Variants in SOAT1 observed in about 807,000 individuals in gnomAD.
The protein encoded by SOAT1 is sterol O-acyltransferase 1.
A neutral mutation model predicts 69.5 loss-of-function variants in SOAT1; 55 were observed. The ratio of observed to expected loss-of-function variants is 0.79; its 90% CI spans 0.64 to 0.99. SOAT1 has a LOEUF of 0.99. Among genes scored for constraint, SOAT1 ranks in the 50% least tolerant of loss-of-function variants. The pLI is 0.00. For synonymous variants in SOAT1, 231 were observed against 224.7 expected (o/e 1.03, Z -0.25); for missense variants, 580 against 669.3 (o/e 0.87, Z 1.47).
rs1446406580 is a variant in SOAT1, at chr1:179,321,231, C to A, written c.119-2206C>A. 2.0e-5 allele frequency among the ~76,000 whole-genome samples: 3 copies of A among 152,026 alleles called. No individual in the cohort carries two copies. In the East Asian group the frequency reaches 5.8e-4, roughly 29 times the overall value. On this transcript the variant is annotated intron_variant, in intron 2 of 15. Transcript: ENST00000367619. ...ATGAACTCACATTCTTGGACATAAT[C>A]TTTGTCATCCTTTGCAATCATTTCT... is the stretch of plus-strand genomic sequence containing the variant.
chr1:179,321,091 G>A (rs968666634), intron 2 of SOAT1, among the ~76,000 whole-genome samples: 2 of 152,018 alleles, frequency 1.3e-5, no homozygotes, highest in African/African-American at 2.4e-5. Context: ...AGTTTTAGTA[G>A]AGGTGGGGTT....
chr1:179,295,316 AC>A (rs1664595362), intron 1 of SOAT1, among the ~76,000 whole-genome samples: 1 of 151,852 alleles, frequency 6.6e-6, no homozygotes, highest in South Asian at 2.1e-4. Flanking sequence ...CAACTCTTAT[AC>A]CTGCCTCAGA....
chr1:179,306,849 A>AAAC (rs1553243345), intron 2 of SOAT1, among the ~76,000 whole-genome samples: 1 of 151,084 alleles, frequency 6.6e-6, no homozygotes, highest in African/African-American at 2.4e-5. Context: ...AAAAAAAAAA[A>AAAC]AGCAGCACCA....
intron 4 of SOAT1, among the ~76,000 whole-genome samples, chr1:179,336,348 C>T (rs1176417396): frequency 6.7e-6 from 1 of 148,174 alleles, no homozygotes; most frequent in Non-Finnish European, 1.5e-5. Flanking sequence ...CTGTCGTCCG[C>T]CTGTCGTCCC....
intron 3 of SOAT1, among the ~76,000 whole-genome samples, chr1:179,324,675 A>G (rs185325958): frequency 6.6e-6 from 1 of 152,296 alleles, no homozygotes; most frequent in Non-Finnish European, 1.5e-5. Context: ...GTCTTTTCCA[A>G]TTAGTGCTTT....
At chr1:179,318,694 T>G (rs970940409) in intron 2 of SOAT1, among the ~76,000 whole-genome samples, 3 of 152,218 alleles carry the variant, frequency 2.0e-5, no homozygotes, top group Non-Finnish European at 2.9e-5. Flanking sequence ...CTGGACATTG[T>G]CATGTAAATA....
In SOAT1 at chr1:179,335,629, G is replaced by A; in HGVS notation, c.301G>A (p.Glu101Lys). ...CGCTCTCACAACCTTTTCTGTTCTT[G>A]AAGGAGAGAAAAACAACCATAGAGC... ...GCALTTFSVL[E>K]GEKNNHRAKD... Residue 101 changes from glutamate (E) to lysine (K), a missense_variant, in exon 4 of 16, where the codon GAA becomes AAA. By Grantham distance (56) the Glu-to-Lys change is moderately conservative (BLOSUM62 1). Coordinates refer to ENST00000367619, the MANE Select transcript of SOAT1 (RefSeq NM_003101.6). 6.2e-7 allele frequency: 1 copy of A among 1,613,166 alleles called. No individual in the cohort carries two copies. The highest frequency in any genetic ancestry group is 8.5e-7 in the Non-Finnish European group (1 of 1,179,594).
At chr1:179,342,267 C>A in intron 8 of SOAT1, 75 bp downstream of exon 8, 1 of 880,062 alleles carries the variant, frequency 1.1e-6, no homozygotes, top group Non-Finnish European at 1.7e-6. Context: ...CTTCCCTTCC[C>A]TTCCCTTCTT....
At position 179,355,918 on chromosome 1, in the gene SOAT1, G is replaced by A. The variant is rs1390329262; in HGVS notation, c.*2277G>A. 6.6e-6 allele frequency: 1 copy of A among 152,138 alleles called. No homozygotes were observed. Among genetic ancestry groups the A allele is most frequent in the African/African-American group, 2.4e-5 (1 of 41,422 alleles). The allele number at this position is 152,138 out of a possible 1,614,324, so 9.4% of individuals were successfully genotyped here. A position where few individuals can be genotyped will look rare whatever the true frequency, so the allele number is the denominator to read the frequency against. On this transcript the variant is annotated 3_prime_UTR_variant, in exon 16 of 16. Coordinates refer to ENST00000367619, the MANE Select transcript of SOAT1 (RefSeq NM_003101.6). Reference sequence around the variant, plus strand: ...ACAGACTGTTTAGAATGCTGAGACTGTTCTAAGAAACTTTCAAAAACAGTA... The same window carrying A: ...ACAGACTGTTTAGAATGCTGAGACTATTCTAAGAAACTTTCAAAAACAGTA...
At chr1:179,333,157 G>A (rs1014288695) in intron 3 of SOAT1, among the ~76,000 whole-genome samples, 1 of 152,110 alleles carries the variant, frequency 6.6e-6, no homozygotes, top group East Asian at 1.9e-4. Flanking sequence ...TTCCTCATAG[G>A]TTAGCTCAGA....
chr1:179,342,756 A>G (rs1666384694), intron 8 of SOAT1, 106 bp from the exon 9 acceptor site: 1 of 735,702 alleles, frequency 1.4e-6, no homozygotes, highest in African/African-American at 1.7e-5. Context: ...ATGAGCTGAT[A>G]AGTCATTTTA....
Position 179,342,923 on chromosome 1 carries a change from C to T in SOAT1, c.921C>T (p.Ile307=), listed in dbSNP as rs775042374. ...YLYFLFAPTL[I]YRDSYPRNPT... ...ACTTCTTATTTGCTCCTACCCTTATCTACCGTGACAGCTATCCCAGGTAAT... is the reference window on the plus strand; with the variant it reads ...ACTTCTTATTTGCTCCTACCCTTATTTACCGTGACAGCTATCCCAGGTAAT... The change falls in exon 9 of 16, where the codon ATC becomes ATT. Residue 307 remains isoleucine, a synonymous_variant. Coordinates refer to ENST00000367619, the MANE Select transcript of SOAT1 (RefSeq NM_003101.6). The T allele has an allele frequency of 1.2e-6, 2 of 1,613,362 alleles. No individual in the cohort carries two copies. Among genetic ancestry groups the T allele is most frequent in the Non-Finnish European group, 1.7e-6 (2 of 1,179,334 alleles).
intron 14 of SOAT1, among the ~76,000 whole-genome samples, chr1:179,351,029 T>C (rs943832976): frequency 8.2e-4 from 2 of 2,430 alleles, no homozygotes; most frequent in Non-Finnish European, 9.6e-4. Context: ...TTCTTTTTTT[T>C]TTTTTTTTTT....
chr1:179,324,853 AG>A (rs2124967746), intron 3 of SOAT1, among the ~76,000 whole-genome samples: 1 of 152,318 alleles, frequency 6.6e-6, no homozygotes, highest in African/African-American at 2.4e-5. Context: ...CCCAGGCTAG[AG>A]TGCAGTGGCA....
intron 1 of SOAT1, among the ~76,000 whole-genome samples, chr1:179,301,773 C>T (rs111815375): frequency 1.3e-5 from 2 of 152,114 alleles, no homozygotes; most frequent in Non-Finnish European, 2.9e-5. Flanking sequence ...TTGTTTTTGT[C>T]GTAGTTCAAT....
chr1:179,314,039 C>T (rs1048422969), intron 2 of SOAT1, among the ~76,000 whole-genome samples: 1 of 152,150 alleles, frequency 6.6e-6, no homozygotes, highest in Non-Finnish European at 1.5e-5. Context: ...AGCTTCAGGC[C>T]TCAGAAAAAT....
chr1:179,308,687 A>AAT, intron 2 of SOAT1, among the ~76,000 whole-genome samples: 1 of 150,216 alleles, frequency 6.7e-6, no homozygotes, highest in East Asian at 1.9e-4. Context: ...AAAAAAAAAA[A>AAT]GATTTGGTTT....
At chr1:179,305,330 A>G (rs1393256242) in intron 2 of SOAT1, among the ~76,000 whole-genome samples, 1 of 152,034 alleles carries the variant, frequency 6.6e-6, no homozygotes, top group Non-Finnish European at 1.5e-5. Context: ...TGATTATAGC[A>G]CATGCAGCCT....
At chr1:179,320,864 T>G (rs940879571) in intron 2 of SOAT1, among the ~76,000 whole-genome samples, 2 of 151,928 alleles carry the variant, frequency 1.3e-5, no homozygotes, top group Admixed American at 6.6e-5. Flanking sequence ...TTCCCAAGTG[T>G]CAGGGACTAC....
Sources: gnomAD v4.1 joint callset for allele counts (sites outside exome capture counted in the v4.1 genomes callset) on GRCh38, gnomAD v4.1.1 for gene constraint, MANE v1.5 for transcripts, NCBI Gene and HGNC (gene_info 2026-07-23, HGNC 2026-07-21) for gene names.